The following RUSC2 variants were observed in gnomAD, a reference collection of about 807,000 sequenced individuals.
RUSC2 encodes the protein AP-4 complex accessory subunit RUSC2.
Under a neutral mutation model 122.2 loss-of-function variants are expected in RUSC2, and 34 were observed. That is an observed-to-expected ratio of 0.28 (90% CI 0.21 to 0.37). The LOEUF is 0.37. Among genes scored for constraint, RUSC2 ranks in the 10% least tolerant of loss-of-function variants. The probability of loss-of-function intolerance (pLI) is 1.00; values close to 1 mark genes in which losing one functional copy is unlikely to be tolerated. For synonymous variants in RUSC2, 784 were observed against 790.0 expected (o/e 0.99, Z 0.13); for missense variants, 1,747 against 1,952.4 (o/e 0.89, Z 1.98).
intron 1 of RUSC2, among the ~76,000 whole-genome samples, chr9:35,527,002 TCTTAA>T (rs1251814244): frequency 9.8e-5 from 15 of 152,326 alleles, no homozygotes; most frequent in African/African-American, 3.6e-4. Flanking sequence ...CTATCTTATC[TCTTAA>T]CTTCTCATTC....
intron 2 of RUSC2, among the ~76,000 whole-genome samples, chr9:35,549,759 T>C (rs1279812410): frequency 2.0e-5 from 3 of 152,256 alleles, no homozygotes; most frequent in African/African-American, 4.8e-5. Flanking sequence ...GGTGAAGCCA[T>C]AGTGGAACAC....
intron 2 of RUSC2, chr9:35,549,097 T>C: frequency 1.0e-6 from 1 of 985,108 alleles, no homozygotes; most frequent in Non-Finnish European, 1.2e-6. Context: ...GCTGACATAT[T>C]GGGAAATGAA....
chr9:35,492,998 C>G (rs1024625910), intron 1 of RUSC2, among the ~76,000 whole-genome samples: 1 of 150,904 alleles, frequency 6.6e-6, no homozygotes, highest in Admixed American at 6.6e-5. Flanking sequence ...TTTTTTTTAA[C>G]TTTTATTTTA....
Position 35,548,855 on chromosome 9 carries a change from C to G in RUSC2, c.2014+320C>G. ...GACCAGCCTGGCCAACATAATGAAA[C>G]CCCAGCTCTACTAAAATAAAAAATA... On this transcript the variant is annotated intron_variant, in intron 2 of 11. Coordinates refer to ENST00000361226, the MANE Select transcript of RUSC2 (RefSeq NM_014806.5). The surrounding 1 kb of genome is among the most constrained non-coding windows in gnomAD (Gnocchi z 4.5). 2 of 609,824 alleles carry G rather than the reference C, an allele frequency of 3.3e-6. No individual in the cohort carries two copies. Among genetic ancestry groups the G allele is most frequent in the Non-Finnish European group, 4.1e-6 (2 of 487,138 alleles). 37.8% of individuals were successfully genotyped at this position (609,824 alleles called of 1,614,324 possible).
intron 1 of RUSC2, among the ~76,000 whole-genome samples, chr9:35,510,542 A>G (rs2132504887): frequency 6.6e-6 from 1 of 152,320 alleles, no homozygotes; most frequent in South Asian, 2.1e-4. Context: ...TTATTTGTTT[A>G]GTCTCCCTGG....
rs546146785 is a variant in RUSC2 at position 35,519,584 on chromosome 9, G to C, written c.-92-26846G>C. Among the ~76,000 whole-genome samples, 3 of 152,190 alleles carry C rather than the reference G, an allele frequency of 2.0e-5. No homozygotes were observed. In the South Asian group the frequency reaches 6.2e-4, roughly 32 times the overall value. On this transcript the variant is annotated intron_variant, in intron 1 of 11. Transcript: ENST00000361226. ...AGGATGACTGATTCAGTCCTAGTGTGGGGGAGGAAAAAAAGGAATGTGACC... is the reference window on the plus strand; with the variant it reads ...AGGATGACTGATTCAGTCCTAGTGTCGGGGAGGAAAAAAAGGAATGTGACC...
rs140531019 is a variant in RUSC2, at chr9:35,546,807, G to A, written c.286G>A (p.Ala96Thr). The change falls in exon 2 of 12, where the codon GCC becomes ACC. Residue 96 changes from alanine (A) to threonine (T), a missense_variant. Transcript: ENST00000361226. The surrounding 1 kb of genome is among the most constrained non-coding windows in gnomAD (Gnocchi z 4.3). ...GAGTCGGGATGGAAGAGGCCCTGGA[G>A]CCCCCAAACGACACAACCCCTTCTT... Reference protein sequence around the residue: ...SRSRDGRGPGAPKRHNPFLLQ... With the variant: ...SRSRDGRGPGTPKRHNPFLLQ... 29 of 1,611,590 alleles carry A rather than the reference G, an allele frequency of 1.8e-5. No individual in the cohort carries two copies. In the African/African-American group the frequency reaches 3.5e-4, roughly 19 times the overall value.
At chr9:35,517,530 G>A (rs1821131077) in intron 1 of RUSC2, among the ~76,000 whole-genome samples, 1 of 152,110 alleles carries the variant, frequency 6.6e-6, no homozygotes, top group Non-Finnish European at 1.5e-5. Flanking sequence ...TTAGCTTTGT[G>A]GCTGCTAGAT....
intron 1 of RUSC2, among the ~76,000 whole-genome samples, chr9:35,505,331 T>C (rs190292007): frequency 1.3e-5 from 2 of 152,226 alleles, no homozygotes; most frequent in South Asian, 2.1e-4. Flanking sequence ...TGAGGAACTC[T>C]TTGTATGCAC....
intron 1 of RUSC2, among the ~76,000 whole-genome samples, chr9:35,506,879 C>A (rs1820926488): frequency 6.6e-6 from 1 of 152,096 alleles, no homozygotes; most frequent in African/African-American, 2.4e-5. Context: ...ACTTTGGGAG[C>A]CCAAGGCAGG....
intron 1 of RUSC2, among the ~76,000 whole-genome samples, chr9:35,502,839 A>G (rs1334099187): frequency 1.3e-5 from 2 of 152,018 alleles, no homozygotes; most frequent in Admixed American, 1.3e-4. Flanking sequence ...GGTAACTTAG[A>G]TAAGTTTTTT....
At chr9:35,506,958 A>C (rs1190851292) in intron 1 of RUSC2, among the ~76,000 whole-genome samples, 2 of 152,076 alleles carry the variant, frequency 1.3e-5, no homozygotes, top group Non-Finnish European at 2.9e-5. Flanking sequence ...TCTACAAAAA[A>C]AATTTAAAAA....
chr9:35,523,181 A>G (rs761935326), intron 1 of RUSC2, among the ~76,000 whole-genome samples: 11 of 152,230 alleles, frequency 7.2e-5, no homozygotes, highest in East Asian at 1.9e-4. Context: ...ATACATCTGC[A>G]TATCTTTTGT....
At chr9:35,526,681 A>G (rs1208262514) in intron 1 of RUSC2, among the ~76,000 whole-genome samples, 1 of 152,256 alleles carries the variant, frequency 6.6e-6, no homozygotes, top group Non-Finnish European at 1.5e-5. Context: ...TAGGAAGCTA[A>G]GGCAGGAAGA....
At position 35,558,475 on chromosome 9, in the gene RUSC2, G is replaced by C; in HGVS notation, c.3249G>C (p.Lys1083Asn). The C allele has an allele frequency of 1.2e-6, 2 of 1,614,114 alleles. No individual in the cohort carries two copies. Among genetic ancestry groups the C allele is most frequent in the Middle Eastern group, 1.6e-4 (1 of 6,062 alleles). The change falls in exon 8 of 12, where the codon AAG becomes AAC. Residue 1083 changes from lysine (K) to asparagine (N), a missense_variant. Coordinates refer to ENST00000361226, the MANE Select transcript of RUSC2 (RefSeq NM_014806.5). The surrounding 1 kb of genome is among the most constrained non-coding windows in gnomAD (Gnocchi z 4.3). ...GCTTCCTCCCAGGCCCATCCACCAA[G>C]GTCCTGCATGGCCTCTACAACAAAG... ...EASTQLGPST[K>N]VLHGLYNKVS...
intron 2 of RUSC2, among the ~76,000 whole-genome samples, chr9:35,549,558 G>A (rs1303484437): frequency 6.6e-6 from 1 of 152,152 alleles, no homozygotes; most frequent in Non-Finnish European, 1.5e-5. Flanking sequence ...AGTGAAAGGG[G>A]TATGTAAATC....
Position 35,561,575 on chromosome 9 carries a change from C to T in RUSC2, c.*193C>T. On this transcript the variant is annotated 3_prime_UTR_variant, in exon 12 of 12. Transcript: ENST00000361226. ...ACTGTCCCAGTGACCTTGTCCAGAC[C>T]TCCACCCAGGAGAGGGATGGGACAC... The T allele has an allele frequency of 3.3e-6, 2 of 603,254 alleles. No individual in the cohort carries two copies. The highest frequency in any genetic ancestry group is 5.8e-6 in the Non-Finnish European group (2 of 342,826). 37.4% of individuals were successfully genotyped at this position (603,254 alleles called of 1,614,324 possible).
At chr9:35,536,222 TA>T (rs1174799564) in intron 1 of RUSC2, among the ~76,000 whole-genome samples, 9 of 152,218 alleles carry the variant, frequency 5.9e-5, no homozygotes, top group African/African-American at 2.2e-4. Flanking sequence ...TACTTGACAA[TA>T]TAAGAAGTTG....
Sources: gnomAD v4.1 joint callset for allele counts (sites outside exome capture counted in the v4.1 genomes callset) on GRCh38, gnomAD v4.1.1 for gene constraint, Gnocchi (gnomAD v3.1) non-coding constraint, MANE v1.5 for transcripts, NCBI Gene and HGNC (gene_info 2026-07-23, HGNC 2026-07-21) for gene names.